The following TENM4 variants were observed in gnomAD, a reference collection of about 807,000 sequenced individuals.
TENM4 encodes teneurin-4.
TENM4 carries 82 observed loss-of-function variants against 243.3 expected under a neutral mutation model. The observed-to-expected ratio is 0.34, with a 90% CI of 0.28 to 0.40. The LOEUF is 0.40. Among genes scored for constraint, TENM4 ranks in the 10% least tolerant of loss-of-function variants. The pLI, the probability that TENM4 is intolerant of heterozygous loss-of-function variation, is 1.00. For synonymous variants in TENM4, 1,412 were observed against 1,456.3 expected, an observed-to-expected ratio of 0.97 and a Z score of 0.69; for missense variants, 3,138 against 3,673.3, an observed-to-expected ratio of 0.85 and a Z score of 3.77.
intron 4 of TENM4, among the ~76,000 whole-genome samples, chr11:79,085,444 C>T (rs1184124984): frequency 6.6e-6 from 1 of 150,538 alleles, no homozygotes; most frequent in African/African-American, 2.4e-5. Context: ...TTGATTTGAA[C>T]CCTGAATCTC....
At chr11:78,714,755 C>G (rs1195911830) in intron 25 of TENM4, among the ~76,000 whole-genome samples, 2 of 152,128 alleles carry the variant, frequency 1.3e-5, no homozygotes, top group African/African-American at 4.8e-5. Flanking sequence ...CTGCCTGCAC[C>G]TGCTGCTCCT....
intron 1 of TENM4, among the ~76,000 whole-genome samples, chr11:79,310,854 A>G (rs1199060762): frequency 6.6e-6 from 1 of 152,196 alleles, no homozygotes; most frequent in East Asian, 1.9e-4. Context: ...TAAAATGCAA[A>G]AACAGAGAAG....
At chr11:79,091,652 C>T (rs1860954129) in intron 4 of TENM4, among the ~76,000 whole-genome samples, 5 of 152,274 alleles carry the variant, frequency 3.3e-5, no homozygotes, top group Admixed American at 2.6e-4. Flanking sequence ...CCAAGACCTA[C>T]TCAATCAGAA....
At chr11:78,949,762 A>G (rs1182498092) in intron 6 of TENM4, among the ~76,000 whole-genome samples, 1 of 152,180 alleles carries the variant, frequency 6.6e-6, no homozygotes, top group Admixed American at 6.5e-5. Flanking sequence ...CAATGAAAGG[A>G]ACAGCTGGGA....
chr11:78,732,468 T>C lies in TENM4; in HGVS notation c.2986A>G (p.Met996Val), dbSNP rs1358065924. ...LWLPWDRFFVMETIIMRHEEN... is the reference protein window; with the variant it reads ...LWLPWDRFFVVETIIMRHEEN... ...TCATGTCTCATGATGATGGTTTCCA[T>C]GACAAAGAAGCGATCCCATGGCAGC... Residue 996 changes from methionine (M) to valine (V), a missense_variant, in exon 21 of 34, where the codon ATG (methionine) becomes GTG (valine). Coordinates refer to ENST00000278550, the MANE Select transcript of TENM4 (RefSeq NM_001098816.3). 6.2e-7 allele frequency: 1 copy of C among 1,613,852 alleles called. No homozygotes were observed. The highest frequency in any genetic ancestry group is 1.1e-5 in the South Asian group (1 of 91,050).
At chr11:79,128,245 T>G (rs1370164505) in intron 4 of TENM4, among the ~76,000 whole-genome samples, 4 of 152,190 alleles carry the variant, frequency 2.6e-5, no homozygotes, top group Non-Finnish European at 5.9e-5. Flanking sequence ...ACTCTCCTTT[T>G]GAGAGACAGC....
chr11:78,714,633 G>A (rs186089655), intron 25 of TENM4, among the ~76,000 whole-genome samples: 20 of 152,118 alleles, frequency 1.3e-4, no homozygotes, highest in Admixed American at 2.6e-4. Context: ...TGAGCTCCCT[G>A]CCCCTGCACA....
At chr11:78,687,492 T>A (rs79637271) in intron 29 of TENM4, among the ~76,000 whole-genome samples, 1 of 152,246 alleles carries the variant, frequency 6.6e-6, no homozygotes, top group Non-Finnish European at 1.5e-5. Context: ...GGTCACCACA[T>A]CCCATGAGAA....
chr11:79,367,684 GA>G (rs1857703044), intron 1 of TENM4, among the ~76,000 whole-genome samples: 1 of 152,150 alleles, frequency 6.6e-6, no homozygotes, highest in Admixed American at 6.5e-5. Flanking sequence ...ACAACCTGCT[GA>G]AACTACCTAA....
intron 18 of TENM4, among the ~76,000 whole-genome samples, chr11:78,765,148 A>G (rs1385575835): frequency 2.0e-5 from 3 of 152,198 alleles, no homozygotes; most frequent in Admixed American, 6.5e-5. Context: ...CTGTTTTACA[A>G]TAGTATCTGA....
chr11:78,775,816 A>C (rs190106583), intron 17 of TENM4, among the ~76,000 whole-genome samples: 6 of 152,268 alleles, frequency 3.9e-5, no homozygotes, highest in Admixed American at 3.9e-4. Flanking sequence ...AGGGCTAACA[A>C]AGCTTTTCAA....
rs183581236 is a variant in TENM4, at chr11:79,111,271, C to T, written c.-66+37439G>A. 9.9e-5 allele frequency among the ~76,000 whole-genome samples: 15 copies of T among 152,226 alleles called. No homozygotes were observed. In the East Asian group the frequency reaches 1.2e-3, roughly 12 times the overall value. On this transcript the variant is annotated intron_variant, in intron 4 of 33. Transcript: ENST00000278550. ...CATCAAACCTCTTTTTCTGGCCAGG[C>T]GCCGTGGCTCACACCTGTAATCCCA...
rs533159302 is a variant in TENM4 at position 79,138,469 on chromosome 11, A to G, written c.-66+10241T>C. ...ATTTATATATAATATATTTTAATAT[A>G]TTATATACAAATAATATATATTTAT... On this transcript the variant is annotated intron_variant, in intron 4 of 33. Transcript: ENST00000278550. Among the ~76,000 whole-genome samples the G allele has an allele frequency of 4.1e-3, 480 of 117,070 alleles. 8 individuals carry two copies. Among genetic ancestry groups the G allele is most frequent in the African/African-American group, 0.016 (457 of 28,128 alleles). 76.8% of individuals were successfully genotyped at this position (117,070 alleles called of 152,430 possible).
chr11:79,064,511 C>T (rs1860188314), intron 6 of TENM4: 5 of 585,708 alleles, frequency 8.5e-6, no homozygotes, highest in Admixed American at 3.1e-5. Context: ...GACTTAGGCG[C>T]CTCCCTAATC....
chr11:79,274,409 A>T (rs1856018882), intron 2 of TENM4, among the ~76,000 whole-genome samples: 5 of 152,228 alleles, frequency 3.3e-5, no homozygotes. Context: ...TTTCCACAAA[A>T]TCAACTAAAT....
intron 1 of TENM4, among the ~76,000 whole-genome samples, chr11:79,303,848 ATTGGGATGGGGT>A (rs1322256415): frequency 6.6e-6 from 1 of 152,202 alleles, no homozygotes; most frequent in Non-Finnish European, 1.5e-5. Context: ...AGCTAGGGTG[ATTGGGATGGGGT>A]TTGGGCTGGT....
In TENM4 at chr11:79,064,746, G is replaced by A; in HGVS notation, c.485C>T (p.Thr162Ile). 6.4e-7 allele frequency: 1 copy of A among 1,551,710 alleles called. No homozygotes were observed. The highest frequency in any genetic ancestry group is 8.7e-7 in the Non-Finnish European group (1 of 1,146,996). ...CCAAACCAGCCACTCACCAGTCTCA[G>A]TGTTTTCATGCTCGGTGTCGGTGAG... ...LTLTDTEHENTETDHPGGLQN... is the reference protein window; with the variant it reads ...LTLTDTEHENIETDHPGGLQN... The change falls in exon 6 of 34, where the codon ACT (threonine) becomes ATT (isoleucine). Residue 162 changes from threonine to isoleucine, a missense_variant. Transcript: ENST00000278550.
intron 2 of TENM4, among the ~76,000 whole-genome samples, chr11:79,261,238 A>T (rs1855790429): frequency 6.6e-6 from 1 of 152,170 alleles, no homozygotes; most frequent in Admixed American, 6.5e-5. Flanking sequence ...TCATACCTGG[A>T]GATCGACCTC....
chr11:79,168,730 A>G (rs910975328), intron 3 of TENM4, among the ~76,000 whole-genome samples: 9 of 152,106 alleles, frequency 5.9e-5, no homozygotes, highest in Admixed American at 1.3e-4. Context: ...CTCCCATAGG[A>G]GGTGGAGTCC....
Sources: allele counts gnomAD v4.1 joint callset (sites outside exome capture counted in the v4.1 genomes callset), GRCh38; gene constraint gnomAD v4.1.1; transcripts MANE v1.5; gene names NCBI Gene and HGNC (gene_info 2026-07-23, HGNC 2026-07-21).